ZCCHC17: variants seen among roughly 807,000 people sequenced by gnomAD.
ZCCHC17 encodes zinc finger CCHC domain-containing protein 17.
In ZCCHC17, 18 loss-of-function variants were observed where a neutral mutation model predicts 30.6. The ratio of observed to expected loss-of-function variants is 0.59; its 90% CI spans 0.41 to 0.87. The LOEUF (loss-of-function observed/expected upper bound fraction) is 0.87, where lower values mean the gene tolerates loss of function less well. ZCCHC17 is among the 40% of genes least tolerant of loss of function. The pLI, the probability that ZCCHC17 is intolerant of heterozygous loss-of-function variation, is 0.00. For synonymous variants in ZCCHC17, 88 were observed against 92.4 expected, an observed-to-expected ratio of 0.95 and a Z score of 0.27; for missense variants, 263 against 284.2, an observed-to-expected ratio of 0.93 and a Z score of 0.54.
intron 5 of ZCCHC17, 78 bp downstream of exon 5, chr1:31,339,126 G>C (rs929252200): frequency 2.0e-6 from 2 of 1,002,662 alleles, no homozygotes; most frequent in Non-Finnish European, 3.0e-6. Context: ...AGACTGAACT[G>C]GTAACTCTAC....
At chr1:31,343,729 G>C (rs1321629077) in intron 5 of ZCCHC17, among the ~76,000 whole-genome samples, 1 of 149,168 alleles carries the variant, frequency 6.7e-6, no homozygotes, top group East Asian at 1.9e-4. Context: ...TTGTCTCCCA[G>C]GCTGGAGTGT....
chr1:31,341,660 A>G lies in ZCCHC17; in HGVS notation c.317+2612A>G, dbSNP rs1158753001. 3.3e-5 allele frequency among the ~76,000 whole-genome samples: 5 copies of G among 152,240 alleles called. No homozygotes were observed. The East Asian group carries it at 9.6e-4, about 29-fold the overall frequency. ...TTAGAGGATTTAGAGCTAGACTTGA[A>G]TCAGAAAGAGTACTGGTTCTGCTCC... On this transcript the variant is annotated intron_variant, in intron 5 of 7. Transcript: ENST00000344147.
intron 1 of ZCCHC17, among the ~76,000 whole-genome samples, chr1:31,302,227 T>TA (rs910503590): frequency 6.6e-6 from 1 of 150,848 alleles, no homozygotes; most frequent in East Asian, 1.9e-4. Flanking sequence ...GACTCCATCT[T>TA]AAAAAAAAAG....
intron 7 of ZCCHC17, among the ~76,000 whole-genome samples, chr1:31,359,962 A>G (rs186050715): frequency 1.2e-3 from 178 of 148,668 alleles, no homozygotes; most frequent in Non-Finnish European, 2.2e-3. Context: ...CCAACTCCCA[A>G]CTTTGCTTTT....
At chr1:31,314,688 A>G (rs2148421122) in intron 2 of ZCCHC17, among the ~76,000 whole-genome samples, 1 of 152,230 alleles carries the variant, frequency 6.6e-6, no homozygotes, top group Non-Finnish European at 1.5e-5. Flanking sequence ...GTGTGGAGGA[A>G]CCAAAAGACC....
At chr1:31,347,710 T>A (rs952964293) in intron 6 of ZCCHC17, among the ~76,000 whole-genome samples, 1 of 152,136 alleles carries the variant, frequency 6.6e-6, no homozygotes, top group Non-Finnish European at 1.5e-5. Flanking sequence ...CCTCCTGGGC[T>A]CAAGCAATCC....
At chr1:31,354,756 TA>T (rs1366438404) in intron 7 of ZCCHC17, among the ~76,000 whole-genome samples, 1 of 152,232 alleles carries the variant, frequency 6.6e-6, no homozygotes, top group Admixed American at 6.5e-5. Context: ...CTCTATCTGC[TA>T]GGTATGAGGC....
rs755133445 is a variant in ZCCHC17, at chr1:31,364,197, T to C, written c.*4T>C. 5.8e-5 allele frequency: 93 copies of C among 1,610,728 alleles called. No individual in the cohort carries two copies. The highest frequency in any genetic ancestry group is 7.7e-5 in the Non-Finnish European group (91 of 1,179,096). ...CAAGAAGAAGCACAAGGAGTGAGAG[T>C]ATAAAGAGTGTAGGGGGTGGTTGAG... On this transcript the variant is annotated 3_prime_UTR_variant, in exon 8 of 8. Transcript: ENST00000344147.
chr1:31,297,060 CT>C lies in ZCCHC17; in HGVS notation c.-70del. On this transcript the variant is annotated 5_prime_UTR_variant, in exon 1 of 8. Coordinates refer to ENST00000344147, the MANE Select transcript of ZCCHC17 (RefSeq NM_016505.4). ...TAGTTCAGCGCAGCGACTCGGGGAC[CT>C]GGAGCTGACGCCTAGTACGTATGAG... The C allele has an allele frequency of 2.3e-6, 1 of 442,506 alleles. No homozygotes were observed. The highest frequency in any genetic ancestry group is 4.0e-6 in the Non-Finnish European group (1 of 249,736). The allele number at this position is 442,506 out of a possible 1,614,324, so 27.4% of individuals were successfully genotyped here. A position where few individuals can be genotyped will look rare whatever the true frequency, so the allele number is the denominator to read the frequency against.
At chr1:31,314,528 A>G (rs868416005) in intron 2 of ZCCHC17, among the ~76,000 whole-genome samples, 4 of 152,102 alleles carry the variant, frequency 2.6e-5, no homozygotes, top group Middle Eastern at 3.2e-3. Flanking sequence ...GAAATTGTTA[A>G]CTCTATTTGA....
chr1:31,334,953 A>G lies in ZCCHC17; in HGVS notation c.125-2222A>G, dbSNP rs544257277. Among the ~76,000 whole-genome samples, 4 of 152,360 alleles carry G rather than the reference A, an allele frequency of 2.6e-5. No homozygotes were observed. In the South Asian group the frequency reaches 8.3e-4, roughly 32 times the overall value. On this transcript the variant is annotated intron_variant, in intron 3 of 7. Coordinates refer to ENST00000344147, the MANE Select transcript of ZCCHC17 (RefSeq NM_016505.4). Reference sequence around the variant, plus strand: ...AGTTATTTTCTTAGGACAGGTTCCCAGAAGCAATTAGGGGTCAAATAAAGT... The same window carrying G: ...AGTTATTTTCTTAGGACAGGTTCCCGGAAGCAATTAGGGGTCAAATAAAGT...
At chr1:31,353,687 A>G (rs1639547182) in intron 7 of ZCCHC17, among the ~76,000 whole-genome samples, 1 of 152,176 alleles carries the variant, frequency 6.6e-6, no homozygotes, top group African/African-American at 2.4e-5. Flanking sequence ...AAAGGGTCCA[A>G]AATTTCTTTG....
chr1:31,319,602 G>A (rs959285036), intron 3 of ZCCHC17, among the ~76,000 whole-genome samples: 1 of 152,094 alleles, frequency 6.6e-6, no homozygotes, highest in Non-Finnish European at 1.5e-5. Context: ...TCATAAAGAG[G>A]CGTCTGTTGA....
chr1:31,329,056 C>T (rs959909763), intron 3 of ZCCHC17, among the ~76,000 whole-genome samples: 14 of 152,114 alleles, frequency 9.2e-5, no homozygotes, highest in African/African-American at 3.4e-4. Flanking sequence ...GGTGACTAGT[C>T]CATCCTGAGG....
At chr1:31,322,672 C>T (rs1284326556) in intron 3 of ZCCHC17, among the ~76,000 whole-genome samples, 1 of 151,708 alleles carries the variant, frequency 6.6e-6, no homozygotes, top group Non-Finnish European at 1.5e-5. Context: ...TGATAGAGCT[C>T]AGTCTCCAGC....
chr1:31,360,400 C>T (rs1160806328), intron 7 of ZCCHC17, among the ~76,000 whole-genome samples: 1 of 152,248 alleles, frequency 6.6e-6, no homozygotes, highest in Non-Finnish European at 1.5e-5. Flanking sequence ...ACCTCCTGAC[C>T]TCAGGTGATC....
At chr1:31,337,349 T>C in intron 4 of ZCCHC17, 74 bp downstream of exon 4, 1 of 1,311,832 alleles carries the variant, frequency 7.6e-7, no homozygotes, top group South Asian at 1.2e-5. Context: ...TTTATGATAG[T>C]GAGTGTGTAA....
intron 2 of ZCCHC17, among the ~76,000 whole-genome samples, chr1:31,316,589 T>C (rs1421506743): frequency 6.6e-6 from 1 of 152,232 alleles, no homozygotes; most frequent in Non-Finnish European, 1.5e-5. Flanking sequence ...TATGTGGCCC[T>C]CTTTTACAAA....
intron 1 of ZCCHC17, among the ~76,000 whole-genome samples, chr1:31,308,622 T>G (rs1646523842): frequency 6.6e-6 from 1 of 152,226 alleles, no homozygotes; most frequent in Admixed American, 6.5e-5. Flanking sequence ...TTGGCAGTGA[T>G]TTATCCAACA....
Sources: allele counts gnomAD v4.1 joint callset (sites outside exome capture counted in the v4.1 genomes callset), GRCh38; gene constraint gnomAD v4.1.1; transcripts MANE v1.5; gene names NCBI Gene and HGNC (gene_info 2026-07-23, HGNC 2026-07-21).